LEPR: variants seen among roughly 807,000 people sequenced by gnomAD.
LEPR encodes OB receptor.
Under a neutral mutation model 114.7 loss-of-function variants are expected in LEPR, and 56 were observed. The ratio of observed to expected loss-of-function variants is 0.49; its 90% confidence interval spans 0.39 to 0.61. LEPR has a LOEUF of 0.61. Among genes scored for constraint, LEPR ranks in the 20% least tolerant of loss-of-function variants. LEPR has a pLI of 0.00. For synonymous variants in LEPR, 443 were observed against 461.4 expected, an observed-to-expected ratio of 0.96 and a Z score of 0.51; for missense variants, 1,202 against 1,352.9, an observed-to-expected ratio of 0.89 and a Z score of 1.75.
At chr1:65,486,744 C>G (rs1206650856) in intron 2 of LEPR, among the ~76,000 whole-genome samples, 1 of 152,096 alleles carries the variant, frequency 6.6e-6, no homozygotes, top group Non-Finnish European at 1.5e-5. Flanking sequence ...TGGAGGCTAA[C>G]ATTTCTAGGA....
chr1:65,630,644 G>T (rs963475257), intron 19 of LEPR, among the ~76,000 whole-genome samples: 1 of 151,504 alleles, frequency 6.6e-6, no homozygotes, highest in Non-Finnish European at 1.5e-5. Flanking sequence ...GACCCTCTGC[G>T]TAGATCTTCC....
chr1:65,597,797 A>G (rs1428030835), intron 7 of LEPR, among the ~76,000 whole-genome samples: 1 of 152,182 alleles, frequency 6.6e-6, no homozygotes, highest in East Asian at 1.9e-4. Context: ...TTATTTTCAC[A>G]AAGAGAATGA....
chr1:65,598,660 G>C lies in LEPR; in HGVS notation c.850G>C (p.Ala284Pro), dbSNP rs768679401. 4 of 1,612,834 alleles carry C rather than the reference G, an allele frequency of 2.5e-6. No individual in the cohort carries two copies. Among genetic ancestry groups the C allele is most frequent in the Non-Finnish European group, 3.4e-6 (4 of 1,179,498 alleles). ...SENSTTVIRE[A>P]DKIVSATSLL... ...GATGTTTTAATATAATATTTAACAGGCTGACAAGATTGTCTCAGCTACATC... is the reference window on the plus strand; with the variant it reads ...GATGTTTTAATATAATATTTAACAGCCTGACAAGATTGTCTCAGCTACATC... Residue 284 changes from alanine (A) to proline (P), a missense_variant and splice_region_variant, in exon 8 of 20, where the codon GCT (alanine) becomes CCT (proline). Physicochemically the swap from Ala to Pro is conservative, Grantham distance 27 (BLOSUM62 -1). Transcript: ENST00000349533.
chr1:65,523,279 G>T (rs927732441), intron 2 of LEPR, among the ~76,000 whole-genome samples: 9 of 152,100 alleles, frequency 5.9e-5, no homozygotes, highest in Non-Finnish European at 8.8e-5. Context: ...TCTTCAAAAT[G>T]CCCAGGTTTA....
chr1:65,512,026 T>A (rs369623314), intron 2 of LEPR, among the ~76,000 whole-genome samples: 22 of 152,154 alleles, frequency 1.4e-4, no homozygotes, highest in African/African-American at 5.3e-4. Context: ...CTTCCAATCA[T>A]GGCAGAAGGC....
At chr1:65,426,379 G>T (rs541289320) in intron 2 of LEPR, among the ~76,000 whole-genome samples, 2 of 152,010 alleles carry the variant, frequency 1.3e-5, no homozygotes, top group East Asian at 3.9e-4. Context: ...GTGTAGAGGA[G>T]GTTCCATTTT....
chr1:65,583,690 C>T (rs1655138636), intron 5 of LEPR, among the ~76,000 whole-genome samples: 1 of 151,594 alleles, frequency 6.6e-6, no homozygotes, highest in Admixed American at 6.6e-5. Context: ...GAAATAATCA[C>T]AGTGTCTGGC....
chr1:65,457,103 A>G (rs1375289289), intron 2 of LEPR, among the ~76,000 whole-genome samples: 2 of 152,150 alleles, frequency 1.3e-5, no homozygotes, highest in African/African-American at 2.4e-5. Context: ...AAGTAACCCA[A>G]TTCTTTCCTC....
intron 19 of LEPR, chr1:65,635,473 A>G: frequency 7.2e-6 from 5 of 694,880 alleles, no homozygotes; most frequent in Non-Finnish European, 8.9e-6. Flanking sequence ...CATAGTAAAT[A>G]TTTTTACGTG....
At chr1:65,538,304 C>T (rs1405234742) in intron 2 of LEPR, among the ~76,000 whole-genome samples, 1 of 151,540 alleles carries the variant, frequency 6.6e-6, no homozygotes, top group African/African-American at 2.4e-5. Flanking sequence ...TATTATGTGT[C>T]AGGTTGCCTT....
At chr1:65,520,063 C>T (rs1649553095) in intron 2 of LEPR, among the ~76,000 whole-genome samples, 1 of 152,096 alleles carries the variant, frequency 6.6e-6, no homozygotes, top group Non-Finnish European at 1.5e-5. Context: ...CGGGGTTTCA[C>T]CGTGTTAGCC....
At chr1:65,452,658 A>T (rs1280015437) in intron 2 of LEPR, among the ~76,000 whole-genome samples, 1 of 150,776 alleles carries the variant, frequency 6.6e-6, no homozygotes, top group African/African-American at 2.4e-5. Context: ...AAGCTTTTTG[A>T]TGTGCTGCTG....
At chr1:65,576,812 T>C in intron 5 of LEPR, 1 of 247,988 alleles carries the variant, frequency 4.0e-6, no homozygotes, top group Non-Finnish European at 8.4e-6. Context: ...GGAAAATGTG[T>C]CCTACTGTAG....
chr1:65,589,077 G>A (rs767299306), intron 5 of LEPR, among the ~76,000 whole-genome samples: 54 of 151,948 alleles, frequency 3.6e-4, no homozygotes, highest in Admixed American at 5.3e-4. Flanking sequence ...CCAATACTTG[G>A]TGTAGTCAGT....
At chr1:65,559,690 CG>C in intron 2 of LEPR, among the ~76,000 whole-genome samples, 1 of 130,518 alleles carries the variant, frequency 7.7e-6, no homozygotes, top group African/African-American at 3.0e-5. Flanking sequence ...TTAGGTCTAA[CG>C]TTTAAATCTT....
chr1:65,465,033 G>T (rs1646992504), intron 2 of LEPR, among the ~76,000 whole-genome samples: 1 of 151,948 alleles, frequency 6.6e-6, no homozygotes, highest in African/African-American at 2.4e-5. Flanking sequence ...CTTCAGTTCT[G>T]CTCTGATCTT....
At chr1:65,552,060 G>T (rs1168271967) in intron 2 of LEPR, among the ~76,000 whole-genome samples, 2 of 152,126 alleles carry the variant, frequency 1.3e-5, no homozygotes, top group African/African-American at 4.8e-5. Flanking sequence ...ATTACACTGT[G>T]GTCTGAGAGA....
chr1:65,606,521 C>T, intron 11 of LEPR, among the ~76,000 whole-genome samples: 1 of 152,192 alleles, frequency 6.6e-6, no homozygotes, highest in East Asian at 1.9e-4. Flanking sequence ...ACTAGCCACA[C>T]AGGCACTATG....
chr1:65,568,515 T>TGTGTGTGTGTGTGCATGTGC (rs1653929122), intron 3 of LEPR, among the ~76,000 whole-genome samples: 3 of 151,920 alleles, frequency 2.0e-5, no homozygotes, highest in Non-Finnish European at 2.9e-5. Context: ...TGTGTGTGTG[T>TGTGTGTGTGTGTGCATGTGC]GTGTGTGTGT....
Sources: gnomAD v4.1 joint callset for allele counts (sites outside exome capture counted in the v4.1 genomes callset) on GRCh38, gnomAD v4.1.1 for gene constraint, MANE v1.5 for transcripts, NCBI Gene and HGNC (gene_info 2026-07-23, HGNC 2026-07-21) for gene names.